The following AASS variants were observed in gnomAD, a reference collection of about 807,000 sequenced individuals.
The protein encoded by AASS is alpha-aminoadipic semialdehyde synthase, mitochondrial.
In AASS, 86 loss-of-function variants were observed where a neutral mutation model predicts 105.4. That is an observed-to-expected ratio of 0.82 (90% CI 0.69 to 0.98). AASS has a LOEUF of 0.98. AASS is among the 50% of genes least tolerant of loss of function. The pLI, the probability that AASS is intolerant of heterozygous loss-of-function variation, is 0.00. For missense variants in AASS, 1,048 were observed against 1,143.2 expected (o/e 0.92, Z 1.20); for synonymous variants, 381 against 394.8 (o/e 0.96, Z 0.41).
At chr7:122,135,460 T>C (rs1204642758) in intron 1 of AASS, among the ~76,000 whole-genome samples, 1 of 152,090 alleles carries the variant, frequency 6.6e-6, no homozygotes, top group Non-Finnish European at 1.5e-5. Flanking sequence ...CCGTCTGCTG[T>C]TGTATTAAAC....
At position 122,096,669 on chromosome 7, in the gene AASS, T is replaced by A. The variant is rs184292426; in HGVS notation, c.1655+1781A>T. The stretch of plus-strand genomic sequence containing the variant: ...ATTTAAGGAATGTTATAGGATAACA[T>A]TGTTTAATGGCATTACCATTATTCA... On this transcript the variant is annotated intron_variant, in intron 15 of 23. Transcript: ENST00000417368. 7.9e-5 allele frequency among the ~76,000 whole-genome samples: 12 copies of A among 152,150 alleles called. No individual in the cohort carries two copies. In the East Asian group the frequency reaches 2.3e-3, roughly 29 times the overall value.
At chr7:122,119,619 T>C (rs1363510420) in intron 4 of AASS, among the ~76,000 whole-genome samples, 1 of 152,126 alleles carries the variant, frequency 6.6e-6, no homozygotes, top group Non-Finnish European at 1.5e-5. Context: ...AGTCAACTTA[T>C]AAAGAAATAG....
intron 1 of AASS, among the ~76,000 whole-genome samples, chr7:122,142,244 T>C (rs973090110): frequency 2.0e-5 from 3 of 152,168 alleles, no homozygotes; most frequent in African/African-American, 7.2e-5. Flanking sequence ...ATTGAGCTAA[T>C]ATGCATAAAG....
chr7:122,136,533 A>G (rs1409138654), intron 1 of AASS, among the ~76,000 whole-genome samples: 1 of 152,186 alleles, frequency 6.6e-6, no homozygotes, highest in Non-Finnish European at 1.5e-5. Context: ...TTTAAAATAG[A>G]TTGCATTAAA....
At position 122,101,394 on chromosome 7, in the gene AASS, A is replaced by G. The variant is rs1022908978; in HGVS notation, c.1383T>C (p.Tyr461=). The G allele has an allele frequency of 6.2e-7, 1 of 1,609,598 alleles. No homozygotes were observed. Among genetic ancestry groups the G allele is most frequent in the Non-Finnish European group, 8.5e-7 (1 of 1,176,430 alleles). The part of the protein sequence containing the change: ...SNGTLPDKYK[Y]IQTLRESRER... ...ACCTGCTCTCCCGGAGTGTCTGGAT[A>G]TATTTATATTTATCAGGTAATGTAC... The change falls in exon 13 of 24, where the codon TAT becomes TAC. Residue 461 remains tyrosine, a synonymous_variant. Transcript: ENST00000417368.
chr7:122,133,370 G>C (rs1247295124), intron 2 of AASS, 147 bp downstream of exon 2: 2 of 907,428 alleles, frequency 2.2e-6, no homozygotes, highest in African/African-American at 3.3e-5. Flanking sequence ...TCCTCAGCTG[G>C]AGTAAGCATA....
intron 19 of AASS, among the ~76,000 whole-genome samples, chr7:122,082,485 G>A (rs533159147): frequency 3.0e-4 from 45 of 152,212 alleles, no homozygotes; most frequent in African/African-American, 8.7e-4. Flanking sequence ...GTAGCATTTT[G>A]TATATACCTT....
chr7:122,115,056 C>A lies in AASS; in HGVS notation c.1043+18G>T, dbSNP rs773711203. 3.1e-6 allele frequency: 5 copies of A among 1,614,072 alleles called. No homozygotes were observed. Among genetic ancestry groups the A allele is most frequent in the Non-Finnish European group, 4.2e-6 (5 of 1,179,978 alleles). On this transcript the variant is annotated intron_variant, in intron 9 of 23. Transcript: ENST00000417368. The stretch of plus-strand genomic sequence containing the variant: ...CAGCTGGTCAAAACTACTATCGTTG[C>A]TGAAGTAGAGTCCTTACTTGTGTGG...
intron 3 of AASS, 51 bp downstream of exon 3, chr7:122,129,310 A>G (rs1045525726): frequency 1.6e-6 from 2 of 1,283,144 alleles, no homozygotes; most frequent in Non-Finnish European, 2.1e-6. Flanking sequence ...GTTAAAAGTA[A>G]AAAATATTAT....
intron 14 of AASS, 58 bp downstream of exon 14, chr7:122,098,687 T>C: frequency 1.3e-6 from 2 of 1,593,072 alleles, no homozygotes; most frequent in Non-Finnish European, 1.7e-6. Context: ...TTCTAAAATG[T>C]AGAAGTCAAC....
chr7:122,080,746 T>C (rs1318643259), intron 20 of AASS, among the ~76,000 whole-genome samples: 3 of 152,212 alleles, frequency 2.0e-5, no homozygotes, highest in Non-Finnish European at 2.9e-5. Flanking sequence ...ACACCTACTA[T>C]GTACCCATAA....
chr7:122,135,968 T>A (rs556443924), intron 1 of AASS, among the ~76,000 whole-genome samples: 1 of 152,334 alleles, frequency 6.6e-6, no homozygotes, highest in East Asian at 1.9e-4. Context: ...AATTGGATTC[T>A]ATCCAACTTC....
At chr7:122,097,699 G>T (rs901769356) in intron 15 of AASS, among the ~76,000 whole-genome samples, 7 of 151,908 alleles carry the variant, frequency 4.6e-5, no homozygotes, top group Non-Finnish European at 1.0e-4. Context: ...GCTATGATGA[G>T]ACTTAAAATG....
chr7:122,087,675 G>A (rs981335399), intron 18 of AASS, among the ~76,000 whole-genome samples: 5 of 152,112 alleles, frequency 3.3e-5, no homozygotes, highest in Admixed American at 6.6e-5. Context: ...TAGCCTGAGC[G>A]ACACAGCAAG....
intron 15 of AASS, 39 bp downstream of exon 15, chr7:122,098,411 C>A: frequency 6.2e-7 from 1 of 1,608,976 alleles, no homozygotes; most frequent in Non-Finnish European, 8.5e-7. Context: ...AAAGAAATAA[C>A]AACAAAAATA....
intron 1 of AASS, among the ~76,000 whole-genome samples, chr7:122,140,463 G>C (rs1796333495): frequency 9.2e-6 from 1 of 108,634 alleles, no homozygotes; most frequent in Non-Finnish European, 1.8e-5. Flanking sequence ...TCCAGCCTGG[G>C]CGACAGAGCG....
chr7:122,073,846 T>C lies in AASS; in HGVS notation c.*2643A>G, dbSNP rs775582944. On this transcript the variant is annotated 3_prime_UTR_variant, in exon 24 of 24. Coordinates refer to ENST00000417368, the MANE Select transcript of AASS (RefSeq NM_005763.4). ...AAATCATATAATATGTGGCCTTTCATGTCTGGCATTCTTCACTTGATATGT... is the reference window on the plus strand; with the variant it reads ...AAATCATATAATATGTGGCCTTTCACGTCTGGCATTCTTCACTTGATATGT... 2.0e-5 allele frequency among the ~76,000 whole-genome samples: 3 copies of C among 152,222 alleles called. No homozygotes were observed. Among genetic ancestry groups the C allele is most frequent in the Non-Finnish European group, 2.9e-5 (2 of 68,040 alleles).
chr7:122,141,066 A>T (rs181634714), intron 1 of AASS, among the ~76,000 whole-genome samples: 23 of 152,250 alleles, frequency 1.5e-4, no homozygotes, highest in African/African-American at 5.5e-4. Context: ...ATGGCCTAGA[A>T]CTAATCCAAA....
In AASS at chr7:122,076,576, G is replaced by A; in HGVS notation, c.2694C>T (p.Pro898=). Reference sequence around the variant, plus strand: ...TTGGTCCATAGATCTCCTTTGAAAAGGGCCCCATTAGGCCTTTGGCTCCAA... The same window carrying A: ...TTGGTCCATAGATCTCCTTTGAAAAAGGCCCCATTAGGCCTTTGGCTCCAA... ...GEIGAKGLMG[P]FSKEIYGPIL... The change falls in exon 24 of 24, where the codon CCC becomes CCT. Residue 898 remains proline, a synonymous_variant. Coordinates refer to ENST00000417368, the MANE Select transcript of AASS (RefSeq NM_005763.4). 6.2e-7 allele frequency: 1 copy of A among 1,613,756 alleles called. No individual in the cohort carries two copies. Among genetic ancestry groups the A allele is most frequent in the Non-Finnish European group, 8.5e-7 (1 of 1,179,764 alleles).
Sources: gnomAD v4.1 joint callset for allele counts (sites outside exome capture counted in the v4.1 genomes callset) on GRCh38, gnomAD v4.1.1 for gene constraint, MANE v1.5 for transcripts, NCBI Gene and HGNC (gene_info 2026-07-23, HGNC 2026-07-21) for gene names.